Variants in MFHAS1 observed in about 807,000 individuals in gnomAD.
The protein encoded by MFHAS1 is malignant fibrous histiocytoma-amplified sequence 1.
A neutral mutation model predicts 70.4 loss-of-function variants in MFHAS1; 50 were observed. The ratio of observed to expected loss-of-function variants is 0.71; its 90% CI spans 0.57 to 0.90. The LOEUF (loss-of-function observed/expected upper bound fraction) is 0.90, where lower values mean the gene tolerates loss of function less well. Ranked by LOEUF, MFHAS1 falls within the 40% of genes least tolerant of loss-of-function variation. The pLI, the probability that MFHAS1 is intolerant of heterozygous loss-of-function variation, is 0.00. For missense variants in MFHAS1, 1,795 were observed against 1,347.6 expected, an observed-to-expected ratio of 1.33 and a Z score of -5.20; for synonymous variants, 952 against 620.0, an observed-to-expected ratio of 1.54 and a Z score of -7.96.
At chr8:8,797,150 T>TAAAAAAA (rs11355520) in intron 2 of MFHAS1, among the ~76,000 whole-genome samples, 1 of 141,498 alleles carries the variant, frequency 7.1e-6, no homozygotes, top group African/African-American at 2.6e-5. Context: ...TTAGCTAAAG[T>TAAAAAAA]AAAAAAAAAA....
At chr8:8,864,832 GA>G (rs1808796973) in intron 1 of MFHAS1, among the ~76,000 whole-genome samples, 1 of 152,194 alleles carries the variant, frequency 6.6e-6, no homozygotes, top group South Asian at 2.1e-4. Context: ...AGAGGACTCA[GA>G]TAAGATGATA....
intron 1 of MFHAS1, among the ~76,000 whole-genome samples, chr8:8,882,779 C>T (rs1409013737): frequency 1.3e-5 from 2 of 152,194 alleles, no homozygotes; most frequent in East Asian, 1.9e-4. Flanking sequence ...CTAATCCCTC[C>T]CTGCTGAAGT....
At chr8:8,857,173 A>G (rs1274106150) in intron 1 of MFHAS1, among the ~76,000 whole-genome samples, 3 of 152,172 alleles carry the variant, frequency 2.0e-5, no homozygotes, top group Admixed American at 6.5e-5. Context: ...AAGCCTATCA[A>G]TTCAAAGCAA....
At chr8:8,794,236 T>C (rs1346782646) in intron 2 of MFHAS1, among the ~76,000 whole-genome samples, 5 of 152,086 alleles carry the variant, frequency 3.3e-5, no homozygotes, top group Non-Finnish European at 7.4e-5. Flanking sequence ...CTGCTTAAGT[T>C]ACCTCGGCTG....
chr8:8,789,793 C>G (rs1013438569), intron 2 of MFHAS1, among the ~76,000 whole-genome samples: 2 of 152,142 alleles, frequency 1.3e-5, no homozygotes, highest in Non-Finnish European at 2.9e-5. Context: ...TTTACTGGCT[C>G]TCACACTCCA....
chr8:8,804,991 G>A (rs1806239154), intron 1 of MFHAS1, among the ~76,000 whole-genome samples: 1 of 152,180 alleles, frequency 6.6e-6, no homozygotes, highest in South Asian at 2.1e-4. Context: ...GGGAGAAGGG[G>A]ATGACTAAAT....
In MFHAS1 at chr8:8,797,424, C is replaced by T; in HGVS notation, c.3066G>A (p.Glu1022=). The T allele has an allele frequency of 6.2e-7, 1 of 1,614,142 alleles. No individual in the cohort carries two copies. The highest frequency in any genetic ancestry group is 8.5e-7 in the Non-Finnish European group (1 of 1,180,014). ...GGTAAACCAAGGCAACATTTACTCG[C>T]TCGCTGCCGTTCTTGGGGCAAATGA... ...AEIICPKNGS[E]RVNVALVYPP... is the part of the protein sequence containing the mutation. Residue 1022 remains glutamate (E), a synonymous_variant, in exon 2 of 3, where the codon GAG becomes GAA. Coordinates refer to ENST00000276282, the MANE Select transcript of MFHAS1 (RefSeq NM_004225.3).
At chr8:8,808,019 T>TAA (rs1289404957) in intron 1 of MFHAS1, among the ~76,000 whole-genome samples, 2 of 152,254 alleles carry the variant, frequency 1.3e-5, no homozygotes, top group African/African-American at 4.8e-5. Context: ...TCATCAGTTT[T>TAA]AAATCTAGCA....
chr8:8,798,380 C>T (rs998204453), intron 1 of MFHAS1, among the ~76,000 whole-genome samples: 5 of 152,210 alleles, frequency 3.3e-5, no homozygotes, highest in Non-Finnish European at 7.3e-5. Context: ...GGCTGAAGTG[C>T]AGTGGCCTAA....
chr8:8,891,129 A>G lies in MFHAS1; in HGVS notation c.1930T>C (p.Ser644Pro). The change falls in exon 1 of 3, where the codon TCA (serine) becomes CCA (proline). Residue 644 changes from serine to proline, a missense_variant. Ser to Pro is a moderately conservative substitution (Grantham distance 74). Transcript: ENST00000276282. This position sits in a 1 kb window ranked among gnomAD's most constrained non-coding sequence, Gnocchi z 5.4. ...AAGATCTCTCGGTGCTCAGCAACTG[A>G]CAGCAACTTGTCCCGAAGGCGTCGT... ...HLRRLRDKLL[S>P]VAEHREIFPN... 1.2e-6 allele frequency: 2 copies of G among 1,613,848 alleles called. No individual in the cohort carries two copies. The highest frequency in any genetic ancestry group is 1.7e-6 in the Non-Finnish European group (2 of 1,180,022).
intron 2 of MFHAS1, among the ~76,000 whole-genome samples, chr8:8,791,223 A>G (rs555968379): frequency 2.8e-4 from 42 of 150,640 alleles, no homozygotes; most frequent in Admixed American, 1.1e-3. Context: ...CATTCCCCAC[A>G]TATCGGAGCA....
chr8:8,853,110 C>T (rs1010831348), intron 1 of MFHAS1, among the ~76,000 whole-genome samples: 3 of 152,062 alleles, frequency 2.0e-5, no homozygotes, highest in African/African-American at 7.3e-5. Flanking sequence ...CCCCTGCAGG[C>T]TCCATTTCTC....
At chr8:8,824,234 C>A (rs187414830) in intron 1 of MFHAS1, among the ~76,000 whole-genome samples, 1 of 151,940 alleles carries the variant, frequency 6.6e-6, no homozygotes, top group Non-Finnish European at 1.5e-5. Flanking sequence ...GAGCAGGATG[C>A]CTGGAGGCCA....
At chr8:8,867,217 A>G (rs970773061) in intron 1 of MFHAS1, among the ~76,000 whole-genome samples, 6 of 152,336 alleles carry the variant, frequency 3.9e-5, no homozygotes, top group East Asian at 1.9e-4. Flanking sequence ...GGGTTTTATG[A>G]AAGTCACAAT....
intron 1 of MFHAS1, among the ~76,000 whole-genome samples, chr8:8,862,106 A>G (rs1289418878): frequency 6.6e-6 from 1 of 152,248 alleles, no homozygotes; most frequent in Non-Finnish European, 1.5e-5. Context: ...TGAAACTAGC[A>G]AACTGTTTCC....
chr8:8,800,972 C>A (rs1052837136), intron 1 of MFHAS1, among the ~76,000 whole-genome samples: 1 of 152,064 alleles, frequency 6.6e-6, no homozygotes, highest in Non-Finnish European at 1.5e-5. Context: ...TCCCAGCACT[C>A]TGGGAGGCCG....
At chr8:8,807,608 T>C (rs1806373918) in intron 1 of MFHAS1, among the ~76,000 whole-genome samples, 1 of 152,190 alleles carries the variant, frequency 6.6e-6, no homozygotes, top group Non-Finnish European at 1.5e-5. Context: ...AAGGGAAAGT[T>C]TTCCCTGTAC....
intron 1 of MFHAS1, among the ~76,000 whole-genome samples, chr8:8,870,346 T>C (rs917381911): frequency 6.7e-6 from 1 of 148,922 alleles, no homozygotes; most frequent in Non-Finnish European, 1.5e-5. Flanking sequence ...GCACCTACAG[T>C]CTCAGCTAAC....
In MFHAS1 at chr8:8,890,739, T is replaced by C. The variant is rs777811486; in HGVS notation, c.2320A>G (p.Thr774Ala). Residue 774 changes from threonine (T) to alanine (A), a missense_variant, in exon 1 of 3, where the codon ACC (threonine) becomes GCC (alanine). Physicochemically the swap from Thr to Ala is moderately conservative, Grantham distance 58. Transcript: ENST00000276282. ...GCCCGGAGCAGTTCCTGGCTGGGGG[T>C]GGACCGCGCCATGGGCGGGGAGCTT... ...GESSPPMARS[T>A]PSQELLRATQ... 12 of 1,613,464 alleles carry C rather than the reference T, an allele frequency of 7.4e-6. No homozygotes were observed. Among genetic ancestry groups the C allele is most frequent in the Non-Finnish European group, 9.3e-6 (11 of 1,179,734 alleles).
Sources: gnomAD v4.1 joint callset for allele counts (sites outside exome capture counted in the v4.1 genomes callset) on GRCh38, gnomAD v4.1.1 for gene constraint, Gnocchi (gnomAD v3.1) non-coding constraint, MANE v1.5 for transcripts, NCBI Gene and HGNC (gene_info 2026-07-23, HGNC 2026-07-21) for gene names.